LVRN: variants seen among roughly 807,000 people sequenced by gnomAD.
LVRN encodes the protein aminopeptidase Q.
A neutral mutation model predicts 111.4 loss-of-function variants in LVRN; 99 were observed. That is an observed-to-expected ratio of 0.89 (90% confidence interval 0.76 to 1.05). The LOEUF (loss-of-function observed/expected upper bound fraction) is 1.05, where lower values mean the gene tolerates loss of function less well. LVRN is among the 50% of genes least tolerant of loss of function. The probability of loss-of-function intolerance (pLI) is 0.00; values close to 1 mark genes in which losing one functional copy is unlikely to be tolerated. For synonymous variants in LVRN, 488 were observed against 449.5 expected (o/e 1.09, Z -1.08); for missense variants, 1,414 against 1,206.8 (o/e 1.17, Z -2.54).
intron 1 of LVRN, chr5:115,975,202 T>A (rs917474832): frequency 2.1e-6 from 1 of 481,424 alleles, no homozygotes. Context: ...TGGGCGCACA[T>A]CTAACAAAAT....
At chr5:116,009,330 G>C (rs1160988529) in intron 13 of LVRN, among the ~76,000 whole-genome samples, 1 of 152,192 alleles carries the variant, frequency 6.6e-6, no homozygotes, top group Non-Finnish European at 1.5e-5. Flanking sequence ...CAAGCACTAT[G>C]ATGGAGATGT....
In LVRN at chr5:116,014,432, A is replaced by G; in HGVS notation, c.2355A>G (p.Glu785=). 6.2e-7 allele frequency: 1 copy of G among 1,611,218 alleles called. No homozygotes were observed. The highest frequency in any genetic ancestry group is 8.5e-7 in the Non-Finnish European group (1 of 1,178,366). ...QDDYLALISL[E]KLFVTACWLG... is the part of the protein sequence containing the mutation. ...CTTTTTCTTCAAGAATATCACTGGA[A>G]AAACTTTTTGTAACTGCGTGTTGGT... Residue 785 remains glutamate, a synonymous_variant, in exon 16 of 20, where the codon GAA becomes GAG. Coordinates refer to ENST00000357872, the MANE Select transcript of LVRN (RefSeq NM_173800.5).
rs774789836 is a variant in LVRN, at chr5:116,026,147, G to A, written c.*29G>A. ...GTGGCTATCTTTCAGCACTCCTCTT[G>A]CATATTATAATGTAGTTTGTTCACA... On this transcript the variant is annotated 3_prime_UTR_variant, in exon 20 of 20. Transcript: ENST00000357872. The A allele has an allele frequency of 6.2e-7, 1 of 1,612,700 alleles. No homozygotes were observed. The highest frequency in any genetic ancestry group is 8.5e-7 in the Non-Finnish European group (1 of 1,179,346).
At chr5:115,985,964 A>T (rs1017434490) in intron 3 of LVRN, among the ~76,000 whole-genome samples, 1 of 152,210 alleles carries the variant, frequency 6.6e-6, no homozygotes, top group African/African-American at 2.4e-5. Flanking sequence ...TGACATGTGG[A>T]GAAAAGGAAG....
Position 115,987,936 on chromosome 5 carries a change from A to G in LVRN, c.1102A>G (p.Thr368Ala), listed in dbSNP as rs759530426. ...LFNISYSLPK[T>A]DIIALPSFDN... ...TAATATCAGTTACTCTCTTCCAAAA[A>G]CAGGTGAGGTAATCTTTTCCTTTCA... Residue 368 changes from threonine (T) to alanine (A), a missense_variant, in exon 4 of 20, where the codon ACA becomes GCA. By Grantham distance (58) the Thr-to-Ala change is moderately conservative (BLOSUM62 0). Transcript: ENST00000357872. 1.2e-6 allele frequency: 2 copies of G among 1,609,118 alleles called. No individual in the cohort carries two copies. Among genetic ancestry groups the G allele is most frequent in the Non-Finnish European group, 1.7e-6 (2 of 1,178,506 alleles).
chr5:116,002,942 A>G (rs1748267598), intron 11 of LVRN, 31 bp downstream of exon 11: 3 of 1,471,170 alleles, frequency 2.0e-6, no homozygotes, highest in African/African-American at 1.4e-5. Flanking sequence ...ACATCTTTAT[A>G]TATATGCATA....
chr5:116,026,960 T>G lies in LVRN; in HGVS notation c.*842T>G, dbSNP rs916869093. ...ACAATAGCAAGTATAGGCTACTATT[T>G]AGGGCAAAAGGAATCTTGAAATGAA... is the stretch of plus-strand genomic sequence containing the variant. On this transcript the variant is annotated 3_prime_UTR_variant, in exon 20 of 20. Transcript: ENST00000357872. 3 of 152,208 alleles carry G rather than the reference T, an allele frequency of 2.0e-5. No homozygotes were observed. Among genetic ancestry groups the G allele is most frequent in the Non-Finnish European group, 4.4e-5 (3 of 68,050 alleles). 9.4% of individuals were successfully genotyped at this position (152,208 alleles called of 1,614,324 possible).
intron 1 of LVRN, among the ~76,000 whole-genome samples, chr5:115,968,760 T>G (rs1753257475): frequency 6.6e-6 from 1 of 152,148 alleles, no homozygotes; most frequent in East Asian, 1.9e-4. Flanking sequence ...CTCAGACAAA[T>G]TTTTCTATGA....
chr5:116,023,849 A>G (rs1048144168), intron 19 of LVRN, among the ~76,000 whole-genome samples: 1 of 152,236 alleles, frequency 6.6e-6, no homozygotes, highest in Non-Finnish European at 1.5e-5. Context: ...GCACAAGCAC[A>G]TCAGAAAACA....
chr5:115,966,079 A>G (rs1300917680), intron 1 of LVRN, among the ~76,000 whole-genome samples: 2 of 152,208 alleles, frequency 1.3e-5, no homozygotes, highest in Admixed American at 1.3e-4. Flanking sequence ...CAAAATCAAG[A>G]ATTTGACATT....
Position 115,963,380 on chromosome 5 carries a change from C to T in LVRN, c.695+68C>T, listed in dbSNP as rs1235437009. Reference sequence around the variant, plus strand: ...TGCGTCCCGGTGCAGGCTGCGGGTCCAGCTGACTACCGTGTCCAGGTGCGC... The same window carrying T: ...TGCGTCCCGGTGCAGGCTGCGGGTCTAGCTGACTACCGTGTCCAGGTGCGC... On this transcript the variant is annotated intron_variant, in intron 1 of 19. Coordinates refer to ENST00000357872, the MANE Select transcript of LVRN (RefSeq NM_173800.5). 1.4e-5 allele frequency: 19 copies of T among 1,325,176 alleles called. No individual in the cohort carries two copies. The East Asian group carries it at 4.3e-4, about 30-fold the overall frequency. 82.1% of individuals were successfully genotyped at this position (1,325,176 alleles called of 1,614,324 possible). A position where few individuals can be genotyped will look rare whatever the true frequency, so the allele number is the denominator to read the frequency against.
intron 12 of LVRN, 109 bp from the exon 13 acceptor site, chr5:116,005,803 G>T (rs762622276): frequency 4.7e-6 from 4 of 848,810 alleles, no homozygotes; most frequent in South Asian, 1.3e-5. Flanking sequence ...GATAAGTCAC[G>T]TGAAGGTGCT....
At chr5:116,012,538 A>G (rs1580398037) in intron 15 of LVRN, 70 bp downstream of exon 15, 2 of 931,730 alleles carry the variant, frequency 2.1e-6, no homozygotes, top group East Asian at 5.6e-5. Flanking sequence ...GAAGTAATAA[A>G]ATAAAATCTT....
rs1748877302 is a variant in LVRN at position 116,026,821 on chromosome 5, T to C, written c.*703T>C. ...GGAAGTGCACTTAGGCTTGCTGTGG[T>C]GGAGGCCATAGTGGAGATGAAGGCT... On this transcript the variant is annotated 3_prime_UTR_variant, in exon 20 of 20. Transcript: ENST00000357872. The C allele has an allele frequency of 6.6e-6, 1 of 152,554 alleles. No individual in the cohort carries two copies. The highest frequency in any genetic ancestry group is 2.4e-5 in the African/African-American group (1 of 41,444). 9.5% of individuals were successfully genotyped at this position (152,554 alleles called of 1,614,324 possible). A position where few individuals can be genotyped will look rare whatever the true frequency, so the allele number is the denominator to read the frequency against.
At chr5:116,010,669 C>A in intron 13 of LVRN, 72 bp from the exon 14 acceptor site, 1 of 1,487,816 alleles carries the variant, frequency 6.7e-7, no homozygotes, top group Non-Finnish European at 9.2e-7. Context: ...AAACATGGAA[C>A]AAATATCGAA....
At chr5:115,980,807 T>A (rs1190257675) in intron 1 of LVRN, among the ~76,000 whole-genome samples, 1 of 152,072 alleles carries the variant, frequency 6.6e-6, no homozygotes, top group African/African-American at 2.4e-5. Flanking sequence ...TTGTACAAAA[T>A]ATCCTATAAT....
chr5:115,965,576 C>T (rs556230449), intron 1 of LVRN, among the ~76,000 whole-genome samples: 42 of 152,276 alleles, frequency 2.8e-4, no homozygotes, highest in African/African-American at 1.0e-3. Context: ...ATTGGCACCT[C>T]ATATGGTTTT....
In LVRN at chr5:116,026,341, ACTTC is replaced by A. The variant is rs1748866939; in HGVS notation, c.*224_*227del. 5 of 560,360 alleles carry A rather than the reference ACTTC, an allele frequency of 8.9e-6. No homozygotes were observed. Among genetic ancestry groups the A allele is most frequent in the Non-Finnish European group, 1.5e-5 (5 of 322,694 alleles). The allele number at this position is 560,360 out of a possible 1,614,324, so 34.7% of individuals were successfully genotyped here. On this transcript the variant is annotated 3_prime_UTR_variant, in exon 20 of 20. Transcript: ENST00000357872. The stretch of plus-strand genomic sequence containing the variant: ...CTGCTGTATTTCTGGGAAAGATGTC[ACTTC>A]ATGTTGGGTTATAATCCCACAGAAT...
At chr5:115,974,194 A>T (rs914914056) in intron 1 of LVRN, among the ~76,000 whole-genome samples, 1 of 152,178 alleles carries the variant, frequency 6.6e-6, no homozygotes, top group Admixed American at 6.5e-5. Flanking sequence ...TTGCAGACAT[A>T]GTTGTAGAAT....
Sources: allele counts gnomAD v4.1 joint callset (sites outside exome capture counted in the v4.1 genomes callset), GRCh38; gene constraint gnomAD v4.1.1; transcripts MANE v1.5; gene names NCBI Gene and HGNC (gene_info 2026-07-23, HGNC 2026-07-21).